Variants in SNCAIP observed in about 807,000 individuals in gnomAD.
The protein encoded by SNCAIP is synphilin-1.
Under a neutral mutation model 86.7 loss-of-function variants are expected in SNCAIP, and 43 were observed. The observed-to-expected ratio is 0.50, with a 90% CI of 0.39 to 0.64. The LOEUF (loss-of-function observed/expected upper bound fraction) is 0.64, where lower values mean the gene tolerates loss of function less well. SNCAIP is among the 30% of genes least tolerant of loss of function. The pLI is 0.00. For synonymous variants in SNCAIP, 417 were observed against 427.2 expected (o/e 0.98, Z 0.29); for missense variants, 981 against 1,103.1 (o/e 0.89, Z 1.57).
At chr5:122,430,316 G>A (rs926730344) in intron 5 of SNCAIP, among the ~76,000 whole-genome samples, 1 of 152,202 alleles carries the variant, frequency 6.6e-6, no homozygotes, top group South Asian at 2.1e-4. Context: ...TAGGAAGGCA[G>A]TTGAATGTTT....
chr5:122,397,846 G>GAAAGAAGT lies in SNCAIP; in HGVS notation c.58-5946_58-5939dup, dbSNP rs1172556789. ...AAAGGCATTTCTACAAAAGAAACTG[G>GAAAGAAGT]AAAGAAGTTTTCAAAGTTAAATAAA... is the stretch of plus-strand genomic sequence containing the variant. On this transcript the variant is annotated intron_variant, in intron 2 of 10. Coordinates refer to ENST00000261368, the MANE Select transcript of SNCAIP (RefSeq NM_005460.4). Among the ~76,000 whole-genome samples, 21 of 152,016 alleles carry GAAAGAAGT rather than the reference G, an allele frequency of 1.4e-4. No homozygotes were observed. The South Asian group carries it at 1.9e-3, about 14-fold the overall frequency.
intron 1 of SNCAIP, among the ~76,000 whole-genome samples, chr5:122,331,459 T>G (rs974126920): frequency 1.3e-5 from 2 of 152,224 alleles, no homozygotes; most frequent in African/African-American, 4.8e-5. Flanking sequence ...TGTGTCCTTA[T>G]GGAGAATTAC....
At chr5:122,341,377 G>T (rs1427299276) in intron 1 of SNCAIP, among the ~76,000 whole-genome samples, 1 of 152,190 alleles carries the variant, frequency 6.6e-6, no homozygotes, top group African/African-American at 2.4e-5. Context: ...ATAAAAATCG[G>T]AAGTGCACAC....
intron 10 of SNCAIP, among the ~76,000 whole-genome samples, chr5:122,452,635 G>C (rs1783931023): frequency 6.6e-6 from 1 of 152,180 alleles, no homozygotes; most frequent in African/African-American, 2.4e-5. Context: ...ACTATATCAT[G>C]TATTTGTTTC....
chr5:122,425,458 C>T lies in SNCAIP; in HGVS notation c.1109C>T (p.Thr370Ile). 6.2e-7 allele frequency: 1 copy of T among 1,614,116 alleles called. No individual in the cohort carries two copies. The highest frequency in any genetic ancestry group is 8.5e-7 in the Non-Finnish European group (1 of 1,179,958). Residue 370 changes from threonine to isoleucine, a missense_variant, in exon 5 of 11, where the codon ACT becomes ATT. Physicochemically the swap from Thr to Ile is moderately conservative, Grantham distance 89. Coordinates refer to ENST00000261368, the MANE Select transcript of SNCAIP (RefSeq NM_005460.4). ...CACGCAGAGTGTCTACAGCACCTCA[C>T]TTCTTTGATGGGAGAAGACTGCCTC... ...QGHAECLQHLTSLMGEDCLNE... is the reference protein window; with the variant it reads ...QGHAECLQHLISLMGEDCLNE...
At chr5:122,435,454 G>A (rs761205703) in intron 6 of SNCAIP, among the ~76,000 whole-genome samples, 1 of 152,106 alleles carries the variant, frequency 6.6e-6, no homozygotes, top group African/African-American at 2.4e-5. Flanking sequence ...TGCCTGCTCT[G>A]CGCTGGTTAT....
intron 3 of SNCAIP, 119 bp from the exon 4 acceptor site, chr5:122,422,749 A>G: frequency 1.3e-6 from 1 of 789,542 alleles, no homozygotes. Context: ...ACTCTAAGTC[A>G]TCCTCACACA....
chr5:122,350,982 A>G (rs747599647), intron 1 of SNCAIP, among the ~76,000 whole-genome samples: 1 of 152,206 alleles, frequency 6.6e-6, no homozygotes, highest in African/African-American at 2.4e-5. Context: ...CCTTAATCCT[A>G]AAGATCATTG....
At chr5:122,435,880 T>C (rs1779340792) in intron 6 of SNCAIP, among the ~76,000 whole-genome samples, 1 of 152,136 alleles carries the variant, frequency 6.6e-6, no homozygotes. Flanking sequence ...CGATCACAGA[T>C]GAAAGCAAAA....
intron 1 of SNCAIP, among the ~76,000 whole-genome samples, chr5:122,325,937 T>C (rs1049014466): frequency 3.3e-5 from 5 of 152,218 alleles, no homozygotes; most frequent in Non-Finnish European, 7.3e-5. Flanking sequence ...TCTGTGCACG[T>C]CGTACACAGT....
intron 1 of SNCAIP, among the ~76,000 whole-genome samples, chr5:122,370,693 G>T (rs959258059): frequency 1.5e-4 from 23 of 152,018 alleles, no homozygotes; most frequent in Non-Finnish European, 3.4e-4. Context: ...CTCTAGTCTA[G>T]ATATAACCCT....
chr5:122,381,087 G>A (rs1454259526), intron 1 of SNCAIP, among the ~76,000 whole-genome samples: 1 of 150,090 alleles, frequency 6.7e-6, no homozygotes, highest in South Asian at 2.2e-4. Context: ...TTGAATTCCT[G>A]GGTATCCTTG....
At chr5:122,412,143 A>G (rs772903134) in intron 3 of SNCAIP, among the ~76,000 whole-genome samples, 1 of 151,882 alleles carries the variant, frequency 6.6e-6, no homozygotes, top group African/African-American at 2.4e-5. Context: ...TTCTCCCTCC[A>G]CCTTCAAGAT....
At chr5:122,386,832 A>G (rs1438446622) in intron 1 of SNCAIP, among the ~76,000 whole-genome samples, 2 of 152,194 alleles carry the variant, frequency 1.3e-5, no homozygotes, top group Non-Finnish European at 2.9e-5. Flanking sequence ...AAAAAAAAAA[A>G]AATTAAAACA....
intron 3 of SNCAIP, 53 bp from the exon 4 acceptor site, chr5:122,422,815 A>T: frequency 6.9e-7 from 1 of 1,458,234 alleles, no homozygotes; most frequent in Non-Finnish European, 9.6e-7. Context: ...CATAGCCAAG[A>T]TGTGTTCAGC....
intron 5 of SNCAIP, among the ~76,000 whole-genome samples, chr5:122,429,236 A>T (rs1415165709): frequency 1.3e-5 from 2 of 151,866 alleles, no homozygotes; most frequent in Non-Finnish European, 2.9e-5. Context: ...AGTGGGAAGG[A>T]GAAAGACTTC....
intron 5 of SNCAIP, among the ~76,000 whole-genome samples, chr5:122,431,536 T>G (rs938040085): frequency 3.3e-5 from 5 of 152,074 alleles, no homozygotes; most frequent in African/African-American, 1.2e-4. Context: ...ATCTCATCAG[T>G]GGTTGTTTGG....
At chr5:122,411,995 A>C (rs1334628309) in intron 3 of SNCAIP, among the ~76,000 whole-genome samples, 2 of 152,142 alleles carry the variant, frequency 1.3e-5, no homozygotes, top group Non-Finnish European at 2.9e-5. Flanking sequence ...AAACTCTCTC[A>C]TGTGGCCTTC....
At chr5:122,342,310 C>A (rs9327250) in intron 1 of SNCAIP, among the ~76,000 whole-genome samples, 39,940 of 151,830 alleles carry the variant, frequency 0.26, 6,161 homozygotes, top group African/African-American at 0.44. Context: ...ACCAGCAACT[C>A]CGTTTATCCC....
Sources: gnomAD v4.1 joint callset for allele counts (sites outside exome capture counted in the v4.1 genomes callset) on GRCh38, gnomAD v4.1.1 for gene constraint, MANE v1.5 for transcripts, NCBI Gene and HGNC (gene_info 2026-07-23, HGNC 2026-07-21) for gene names.